Variants in FRYL observed in about 807,000 individuals in gnomAD.
FRYL encodes protein furry homolog-like.
Under a neutral mutation model 351.2 loss-of-function variants are expected in FRYL, and 150 were observed. The observed-to-expected ratio is 0.43, with a 90% confidence interval of 0.37 to 0.49. FRYL has a LOEUF of 0.49. Ranked by LOEUF, FRYL falls within the 20% of genes least tolerant of loss-of-function variation. FRYL has a pLI of 0.00. For missense variants in FRYL, 3,036 were observed against 3,619.3 expected, an observed-to-expected ratio of 0.84 and a Z score of 4.13; for synonymous variants, 1,153 against 1,257.1, an observed-to-expected ratio of 0.92 and a Z score of 1.75.
chr4:48,606,673 G>A (rs989897108), intron 9 of FRYL, 67 bp from the exon 10 acceptor site: 69 of 1,312,236 alleles, frequency 5.3e-5, no homozygotes, highest in Non-Finnish European at 6.9e-5. Context: ...GATATTTAAG[G>A]GTAAAAATCA....
Position 48,532,979 on chromosome 4 carries a change from T to C in FRYL, c.6705+1566A>G, listed in dbSNP as rs368083011. On this transcript the variant is annotated intron_variant, in intron 49 of 63. Coordinates refer to ENST00000358350, the MANE Select transcript of FRYL (RefSeq NM_015030.2). Reference sequence around the variant, plus strand: ...GAGTCAACATTTTAAAATCAGGAGATTTTACAGAAAAATGTAGATTTCCAG... The same window carrying C: ...GAGTCAACATTTTAAAATCAGGAGACTTTACAGAAAAATGTAGATTTCCAG... 3.3e-5 allele frequency among the ~76,000 whole-genome samples: 5 copies of C among 152,178 alleles called. No homozygotes were observed. In the East Asian group the frequency reaches 9.7e-4, roughly 29 times the overall value.
intron 1 of FRYL, among the ~76,000 whole-genome samples, chr4:48,758,599 G>A (rs1335529225): frequency 6.6e-6 from 1 of 152,228 alleles, no homozygotes; most frequent in African/African-American, 2.4e-5. Context: ...TGGAGAGGAT[G>A]TGGAGAAATG....
intron 1 of FRYL, among the ~76,000 whole-genome samples, chr4:48,776,711 G>A (rs1776061763): frequency 6.6e-6 from 1 of 152,152 alleles, no homozygotes; most frequent in African/African-American, 2.4e-5. Context: ...GATGATCCCT[G>A]TCACTATGTA....
chr4:48,511,025 G>C (rs1324108418), intron 57 of FRYL, 41 bp from the exon 58 acceptor site: 1 of 1,478,320 alleles, frequency 6.8e-7, no homozygotes, highest in Non-Finnish European at 9.3e-7. Context: ...TGTTTCATAA[G>C]AAGGCCTTTT....
chr4:48,730,833 G>T (rs967003099), intron 1 of FRYL, among the ~76,000 whole-genome samples: 3 of 152,052 alleles, frequency 2.0e-5, no homozygotes, highest in African/African-American at 7.2e-5. Context: ...TAACCAGCTA[G>T]CATCATAATG....
At chr4:48,656,382 ATAATATATAAT>A (rs1357037086) in intron 3 of FRYL, among the ~76,000 whole-genome samples, 1 of 132,948 alleles carries the variant, frequency 7.5e-6, no homozygotes, top group Non-Finnish European at 1.5e-5. Flanking sequence ...TACTAAATAT[ATAATATATAAT>A]TAATATATAA....
chr4:48,672,804 G>A (rs905334385), intron 3 of FRYL, among the ~76,000 whole-genome samples: 1 of 152,084 alleles, frequency 6.6e-6, no homozygotes, highest in African/African-American at 2.4e-5. Context: ...GAATACTCTG[G>A]TCTTCAATGA....
chr4:48,700,703 G>A (rs1358950038), intron 2 of FRYL, among the ~76,000 whole-genome samples: 5 of 151,946 alleles, frequency 3.3e-5, no homozygotes, highest in Non-Finnish European at 7.4e-5. Flanking sequence ...TTGGGAGGCT[G>A]AGGTGGGAGG....
intron 29 of FRYL, 50 bp downstream of exon 29, chr4:48,565,481 T>A (rs377666239): frequency 7.1e-7 from 1 of 1,409,046 alleles, no homozygotes; most frequent in Non-Finnish European, 9.5e-7. Flanking sequence ...GACTTAAAAA[T>A]ACTTAACTCT....
At chr4:48,619,229 G>A in intron 7 of FRYL, 45 bp downstream of exon 7, 1 of 1,221,464 alleles carries the variant, frequency 8.2e-7, no homozygotes, top group South Asian at 1.3e-5. Flanking sequence ...GGCACAGTAA[G>A]CAAAGAATAA....
At position 48,567,340 on chromosome 4, in the gene FRYL, A is replaced by G; in HGVS notation, c.3077T>C (p.Leu1026Pro). 1 of 1,612,858 alleles carries G rather than the reference A, an allele frequency of 6.2e-7. No individual in the cohort carries two copies. The highest frequency in any genetic ancestry group is 2.2e-5 in the East Asian group (1 of 44,762). ...AGAGTCTTTTTCATTTTCTGCTTCCAGGAGTTGTCTAGTTAAATCTACATA... is the reference window on the plus strand; with the variant it reads ...AGAGTCTTTTTCATTTTCTGCTTCCGGGAGTTGTCTAGTTAAATCTACATA... ...LEYVDLTRQLLEAENEKDSDT... is the reference protein window; with the variant it reads ...LEYVDLTRQLPEAENEKDSDT... The change falls in exon 28 of 64, where the codon CTG becomes CCG. Residue 1026 changes from leucine (L) to proline (P), a missense_variant. Leu to Pro is a moderately conservative substitution (Grantham distance 98). Transcript: ENST00000358350. This position sits in a 1 kb window ranked among gnomAD's most constrained non-coding sequence, Gnocchi z 4.2.
chr4:48,609,898 T>C (rs557587884), intron 7 of FRYL, 75 bp from the exon 8 acceptor site: 3 of 658,532 alleles, frequency 4.6e-6, no homozygotes, highest in South Asian at 4.9e-5. Context: ...ATTCAACTAA[T>C]TAAATCAATA....
At chr4:48,715,902 G>T (rs1384303409) in intron 1 of FRYL, among the ~76,000 whole-genome samples, 9 of 152,084 alleles carry the variant, frequency 5.9e-5, no homozygotes, top group Non-Finnish European at 1.0e-4. Context: ...AACCAAAACA[G>T]CATGGTACTG....
At chr4:48,722,579 C>T (rs1769609574) in intron 1 of FRYL, among the ~76,000 whole-genome samples, 2 of 152,130 alleles carry the variant, frequency 1.3e-5, no homozygotes. Flanking sequence ...CTACATTTCC[C>T]ATTAACTTAT....
At chr4:48,645,124 T>TATATA (rs1756133820) in intron 3 of FRYL, among the ~76,000 whole-genome samples, 3 of 105,444 alleles carry the variant, frequency 2.8e-5, no homozygotes, top group African/African-American at 6.2e-5. Flanking sequence ...AGCTTTCATT[T>TATATA]TATATATATA....
chr4:48,660,408 T>C (rs770520792), intron 3 of FRYL, among the ~76,000 whole-genome samples: 5 of 152,208 alleles, frequency 3.3e-5, no homozygotes, highest in African/African-American at 4.8e-5. Flanking sequence ...CTCCCAGAAC[T>C]GGTTAAGAGT....
At chr4:48,544,969 C>T (rs1368437345) in intron 42 of FRYL, 65 bp from the exon 43 acceptor site, 13 of 1,517,924 alleles carry the variant, frequency 8.6e-6, no homozygotes, top group South Asian at 1.3e-5. Context: ...TGTACTCACA[C>T]TTGCCTAAAT....
At chr4:48,645,015 C>T (rs1756104768) in intron 3 of FRYL, among the ~76,000 whole-genome samples, 1 of 150,280 alleles carries the variant, frequency 6.7e-6, no homozygotes, top group Non-Finnish European at 1.5e-5. Flanking sequence ...AAAAGATATA[C>T]ATAAGCAATT....
At chr4:48,690,959 T>C (rs558762449) in intron 2 of FRYL, among the ~76,000 whole-genome samples, 1 of 152,294 alleles carries the variant, frequency 6.6e-6, no homozygotes, top group South Asian at 2.1e-4. Flanking sequence ...GTAGCTACAA[T>C]TTAATCTCCA....
Sources: allele counts gnomAD v4.1 joint callset (sites outside exome capture counted in the v4.1 genomes callset), GRCh38; gene constraint gnomAD v4.1.1; non-coding constraint Gnocchi (gnomAD v3.1); transcripts MANE v1.5; gene names NCBI Gene and HGNC (gene_info 2026-07-23, HGNC 2026-07-21).